MCC: variants seen among roughly 807,000 people sequenced by gnomAD.
MCC encodes the protein colorectal mutant cancer protein.
In MCC, 90 loss-of-function variants were observed where a neutral mutation model predicts 116.2. The ratio of observed to expected loss-of-function variants is 0.77; its 90% CI spans 0.65 to 0.92. The LOEUF is 0.92. Ranked by LOEUF, MCC falls within the 40% of genes least tolerant of loss-of-function variation. The pLI is 0.00. For synonymous variants in MCC, 578 were observed against 510.5 expected (o/e 1.13, Z -1.78); for missense variants, 1,516 against 1,312.2 (o/e 1.16, Z -2.40).
At chr5:113,170,333 CCT>C (rs1368889756) in intron 3 of MCC, among the ~76,000 whole-genome samples, 2 of 152,166 alleles carry the variant, frequency 1.3e-5, no homozygotes, top group Non-Finnish European at 2.9e-5. Context: ...GCAGAATCAT[CCT>C]CTCCTTGTAG....
chr5:113,488,328 G>T lies in MCC; in HGVS notation c.87C>A (p.Ser29Arg), dbSNP rs1295876859. ...CCTCCTCGCCGGTGCTGGACGTGTC[G>T]CTGCTGCTGCTGCTGCTGCCGCTGC... The part of the protein sequence containing the change: ...GGGSGSSSSS[S>R]DTSSTGEEER... The change falls in exon 1 of 19, where the codon AGC (serine) becomes AGA (arginine). Residue 29 changes from serine (S) to arginine (R), a missense_variant. By Grantham distance (110) the Ser-to-Arg change is moderately radical (BLOSUM62 -1). Coordinates refer to ENST00000408903, the MANE Select transcript of MCC (RefSeq NM_001085377.2). 7.2e-7 allele frequency: 1 copy of T among 1,398,516 alleles called. No homozygotes were observed. 86.6% of individuals were successfully genotyped at this position (1,398,516 alleles called of 1,614,324 possible).
At chr5:113,080,724 G>A (rs796521891) in intron 11 of MCC, among the ~76,000 whole-genome samples, 2 of 150,700 alleles carry the variant, frequency 1.3e-5, no homozygotes, top group African/African-American at 4.9e-5. Context: ...GATGGGTGCA[G>A]CACACCAACA....
rs768925565 is a variant in MCC, at chr5:113,488,362, C to CCGT, written c.52_53insACG (p.Gly17_Gly18insAsp). On this transcript the variant is annotated inframe_insertion, in exon 1 of 19. Coordinates refer to ENST00000408903, the MANE Select transcript of MCC (RefSeq NM_001085377.2). The stretch of plus-strand genomic sequence containing the variant: ...GCTGCTGCTGCCGCTGCCGCCGCCG[C>CCGT]CGCCGCCGCTGCTGGAGCTCCCCGC... 4 of 1,521,658 alleles carry CCGT rather than the reference C, an allele frequency of 2.6e-6. No homozygotes were observed. Among genetic ancestry groups the CCGT allele is most frequent in the South Asian group, 2.5e-5 (2 of 80,418 alleles). 94.3% of individuals were successfully genotyped at this position (1,521,658 alleles called of 1,614,324 possible).
intron 3 of MCC, among the ~76,000 whole-genome samples, chr5:113,211,454 A>G (rs1197681339): frequency 6.6e-6 from 1 of 152,184 alleles, no homozygotes; most frequent in Non-Finnish European, 1.5e-5. Context: ...AAGAACCTGA[A>G]AGACCCAGCC....
At chr5:113,340,084 C>G (rs150365488) in intron 3 of MCC, among the ~76,000 whole-genome samples, 7 of 152,330 alleles carry the variant, frequency 4.6e-5, no homozygotes, top group Admixed American at 1.3e-4. Flanking sequence ...CAGTTTTCAA[C>G]AGAAAATACT....
chr5:113,433,958 A>C, intron 1 of MCC: 1 of 1,614,018 alleles, frequency 6.2e-7, no homozygotes, highest in Non-Finnish European at 8.5e-7. Context: ...ACAAGGGTTC[A>C]GTTCCCCGGG....
chr5:113,229,971 A>G (rs918421574), intron 3 of MCC, among the ~76,000 whole-genome samples: 2 of 152,242 alleles, frequency 1.3e-5, no homozygotes, highest in African/African-American at 4.8e-5. Flanking sequence ...GGGAAGCATC[A>G]CTACCATATA....
rs140711114 is a variant in MCC, at chr5:113,444,181, C to T, written c.170+44064G>A. ...TTTAAAATATGAAAAACATTCTTAC[C>T]TTCAGGATGGTACAAATACAGGTTA... On this transcript the variant is annotated intron_variant, in intron 1 of 18. Coordinates refer to ENST00000408903, the MANE Select transcript of MCC (RefSeq NM_001085377.2). Among the ~76,000 whole-genome samples the T allele has an allele frequency of 5.3e-3, 803 of 152,196 alleles. 5 individuals carry two copies. Among genetic ancestry groups the T allele is most frequent in the Non-Finnish European group, 7.3e-3 (495 of 68,018 alleles).
intron 3 of MCC, among the ~76,000 whole-genome samples, chr5:113,309,211 G>C (rs968604214): frequency 2.0e-5 from 3 of 152,146 alleles, no homozygotes; most frequent in African/African-American, 4.8e-5. Flanking sequence ...AATTTCAGTA[G>C]CTTTAGAGGT....
At chr5:113,313,935 T>C (rs909928582) in intron 3 of MCC, among the ~76,000 whole-genome samples, 8 of 152,076 alleles carry the variant, frequency 5.3e-5, no homozygotes, top group Non-Finnish European at 8.8e-5. Context: ...ATCCTCCCGC[T>C]TCGGCCTCCC....
intron 3 of MCC, among the ~76,000 whole-genome samples, chr5:113,198,293 C>A (rs1186661905): frequency 6.6e-6 from 1 of 152,138 alleles, no homozygotes; most frequent in Non-Finnish European, 1.5e-5. Flanking sequence ...CACCTCAGCA[C>A]CTAACACCTA....
At chr5:113,132,692 A>C (rs1172190563) in intron 5 of MCC, among the ~76,000 whole-genome samples, 4 of 152,066 alleles carry the variant, frequency 2.6e-5, no homozygotes, top group African/African-American at 9.7e-5. Context: ...TAGTGGACTG[A>C]CTTGTATTTG....
chr5:113,274,607 C>T (rs1379142940), intron 3 of MCC, among the ~76,000 whole-genome samples: 6 of 152,150 alleles, frequency 3.9e-5, no homozygotes, highest in Non-Finnish European at 8.8e-5. Context: ...GTGGTCCGAC[C>T]GCCTTAGTCT....
chr5:113,135,526 T>C (rs1225768871), intron 5 of MCC, among the ~76,000 whole-genome samples: 1 of 137,800 alleles, frequency 7.3e-6, no homozygotes, highest in Non-Finnish European at 1.5e-5. Flanking sequence ...GCCACTGCAC[T>C]CCAGCCTGGG....
intron 3 of MCC, among the ~76,000 whole-genome samples, chr5:113,328,729 C>T (rs974043366): frequency 2.6e-5 from 4 of 152,156 alleles, no homozygotes; most frequent in African/African-American, 7.2e-5. Flanking sequence ...TCTCCAGTGA[C>T]AATATCTCAT....
chr5:113,368,818 A>T (rs906167482), intron 2 of MCC, among the ~76,000 whole-genome samples: 12 of 152,288 alleles, frequency 7.9e-5, no homozygotes, highest in Admixed American at 7.9e-4. Flanking sequence ...CTGAGGGTTC[A>T]GTCCCTCAAG....
At chr5:113,354,102 G>A (rs1366616835) in intron 2 of MCC, among the ~76,000 whole-genome samples, 1 of 152,084 alleles carries the variant, frequency 6.6e-6, no homozygotes, top group Non-Finnish European at 1.5e-5. Context: ...TTATTTCTCT[G>A]CACACTGCCA....
intron 3 of MCC, among the ~76,000 whole-genome samples, chr5:113,161,352 G>A (rs115871480): frequency 0.011 from 1,690 of 152,258 alleles, 29 homozygotes; most frequent in African/African-American, 0.038. Flanking sequence ...AACTCCCACA[G>A]AGAATTCTAT....
intron 3 of MCC, among the ~76,000 whole-genome samples, chr5:113,245,289 TC>T (rs1248041935): frequency 1.9e-5 from 2 of 103,210 alleles, no homozygotes; most frequent in African/African-American, 9.3e-5. Flanking sequence ...AAACTCCATC[TC>T]AAAAAAAAAA....
Sources: gnomAD v4.1 joint callset for allele counts (sites outside exome capture counted in the v4.1 genomes callset) on GRCh38, gnomAD v4.1.1 for gene constraint, MANE v1.5 for transcripts, NCBI Gene and HGNC (gene_info 2026-07-23, HGNC 2026-07-21) for gene names.